SESTD1: variants seen among roughly 807,000 people sequenced by gnomAD.
The protein encoded by SESTD1 is SEC14 domain and spectrin repeat-containing protein 1.
Under a neutral mutation model 101.7 loss-of-function variants are expected in SESTD1, and 43 were observed. The ratio of observed to expected loss-of-function variants is 0.42; its 90% CI spans 0.33 to 0.55. The LOEUF is 0.55. Ranked by LOEUF, SESTD1 falls within the 20% of genes least tolerant of loss-of-function variation. The probability of loss-of-function intolerance (pLI) is 0.07; values close to 1 mark genes in which losing one functional copy is unlikely to be tolerated. For missense variants in SESTD1, 647 were observed against 815.1 expected (o/e 0.79, Z 2.51); for synonymous variants, 283 against 286.8 (o/e 0.99, Z 0.13).
At chr2:179,153,306 A>G (rs1192422696) in intron 5 of SESTD1, among the ~76,000 whole-genome samples, 1 of 152,206 alleles carries the variant, frequency 6.6e-6, no homozygotes, top group Non-Finnish European at 1.5e-5. Flanking sequence ...TTGATGAGGA[A>G]CAAAGCCAGT....
chr2:179,199,558 A>G (rs1468966979), intron 1 of SESTD1, among the ~76,000 whole-genome samples: 1 of 152,196 alleles, frequency 6.6e-6, no homozygotes, highest in Non-Finnish European at 1.5e-5. Flanking sequence ...AATCCTCAAT[A>G]AAATACTGGC....
At chr2:179,140,529 TG>T (rs1269607955) in intron 9 of SESTD1, among the ~76,000 whole-genome samples, 2 of 152,164 alleles carry the variant, frequency 1.3e-5, no homozygotes, top group East Asian at 3.9e-4. Context: ...ATCTCAGAAC[TG>T]CAAGAAAATA....
intron 5 of SESTD1, among the ~76,000 whole-genome samples, chr2:179,170,390 C>T (rs1011842597): frequency 6.6e-5 from 10 of 152,048 alleles, no homozygotes; most frequent in Admixed American, 3.9e-4. Flanking sequence ...ACAAAAAAGA[C>T]CTTATTTTTT....
chr2:179,117,702 T>C (rs1575422086), intron 13 of SESTD1, 89 bp from the exon 14 acceptor site: 7 of 989,566 alleles, frequency 7.1e-6, no homozygotes, highest in East Asian at 2.9e-5. Context: ...TATTTTATAG[T>C]ACACTAAAAT....
At chr2:179,179,715 A>G (rs1341937235) in intron 3 of SESTD1, among the ~76,000 whole-genome samples, 1 of 152,176 alleles carries the variant, frequency 6.6e-6, no homozygotes, top group Non-Finnish European at 1.5e-5. Context: ...GATGACACAC[A>G]TCACATCACT....
chr2:179,171,637 A>C (rs6707001), intron 5 of SESTD1, among the ~76,000 whole-genome samples: 13,988 of 152,150 alleles, frequency 0.092, 2,125 homozygotes, highest in African/African-American at 0.32. Context: ...TTTCTAACCT[A>C]CAGTAAGATG....
At chr2:179,155,972 C>A (rs1192196041) in intron 5 of SESTD1, among the ~76,000 whole-genome samples, 2 of 152,096 alleles carry the variant, frequency 1.3e-5, no homozygotes, top group African/African-American at 4.8e-5. Flanking sequence ...TCCCACATAT[C>A]AGCGAGAACA....
intron 9 of SESTD1, among the ~76,000 whole-genome samples, chr2:179,140,737 T>C (rs79640162): frequency 0.057 from 8,727 of 152,272 alleles, 313 homozygotes; most frequent in South Asian, 0.11. Context: ...CTGTTGCTCT[T>C]GGCCTTGCCA....
At chr2:179,169,161 T>C (rs2045888028) in intron 5 of SESTD1, among the ~76,000 whole-genome samples, 1 of 152,150 alleles carries the variant, frequency 6.6e-6, no homozygotes, top group African/African-American at 2.4e-5. Flanking sequence ...ACAGAGATTG[T>C]TAAACTGGAT....
At chr2:179,239,847 ATC>A (rs1168534807) in intron 1 of SESTD1, among the ~76,000 whole-genome samples, 2 of 152,242 alleles carry the variant, frequency 1.3e-5, no homozygotes, top group East Asian at 3.8e-4. Context: ...ATGCTCCACA[ATC>A]AGTGACTGGT....
intron 8 of SESTD1, among the ~76,000 whole-genome samples, chr2:179,145,419 C>A (rs751850655): frequency 2.0e-4 from 31 of 152,102 alleles, no homozygotes; most frequent in Non-Finnish European, 4.0e-4. Flanking sequence ...ACAATAGTAT[C>A]TATTTCACAG....
intron 1 of SESTD1, among the ~76,000 whole-genome samples, chr2:179,205,428 A>G (rs2046577606): frequency 7.4e-6 from 1 of 134,472 alleles, no homozygotes; most frequent in Non-Finnish European, 1.6e-5. Context: ...TACACCATCA[A>G]ATGCTAAAAC....
chr2:179,172,320 T>C (rs1160094936), intron 4 of SESTD1, 87 bp from the exon 5 acceptor site: 2 of 838,970 alleles, frequency 2.4e-6, no homozygotes, highest in Non-Finnish European at 1.8e-6. Context: ...GTCAAGATTA[T>C]GCTACATAAG....
intron 5 of SESTD1, among the ~76,000 whole-genome samples, chr2:179,156,645 G>A (rs2045637531): frequency 6.6e-6 from 1 of 151,998 alleles, no homozygotes; most frequent in Non-Finnish European, 1.5e-5. Flanking sequence ...GTCTATTCAT[G>A]TCCTTAGCCT....
At chr2:179,155,549 G>A (rs1033910882) in intron 5 of SESTD1, among the ~76,000 whole-genome samples, 2 of 151,622 alleles carry the variant, frequency 1.3e-5, no homozygotes, top group African/African-American at 4.8e-5. Flanking sequence ...CCAGGATTTC[G>A]AGACTGCAGT....
intron 2 of SESTD1, among the ~76,000 whole-genome samples, chr2:179,185,734 A>AATATAATATAGCATATTATATACAAT (rs2046214084): frequency 1.8e-5 from 1 of 55,158 alleles, no homozygotes; most frequent in Non-Finnish European, 3.1e-5. Context: ...TATTATATAT[A>AATATAATATAGCATATTATATACAAT]ATATAATATA....
intron 1 of SESTD1, among the ~76,000 whole-genome samples, chr2:179,250,077 A>G (rs556089219): frequency 6.6e-6 from 1 of 152,326 alleles, no homozygotes; most frequent in African/African-American, 2.4e-5. Context: ...TAAAACAATG[A>G]AAAGACAAGC....
rs576015938 is a variant in SESTD1, at chr2:179,212,264, T to C, written c.-25-20398A>G. ...CTAGCCAAGGGAAGCCATGACAGAC[T>C]GTACCTGGAAAAACAAGACACTCCC... On this transcript the variant is annotated intron_variant, in intron 1 of 17. Coordinates refer to ENST00000428443, the MANE Select transcript of SESTD1 (RefSeq NM_178123.5). 5.9e-5 allele frequency among the ~76,000 whole-genome samples: 8 copies of C among 135,216 alleles called. No homozygotes were observed. The East Asian group carries it at 1.4e-3, about 24-fold the overall frequency. 88.7% of individuals were successfully genotyped at this position (135,216 alleles called of 152,430 possible).
chr2:179,145,639 T>G (rs1307793717), intron 8 of SESTD1, among the ~76,000 whole-genome samples: 4 of 152,240 alleles, frequency 2.6e-5, no homozygotes, highest in African/African-American at 9.6e-5. Context: ...ACTATGTGCT[T>G]GCACTATGTG....
Sources: allele counts gnomAD v4.1 joint callset (sites outside exome capture counted in the v4.1 genomes callset), GRCh38; gene constraint gnomAD v4.1.1; transcripts MANE v1.5; gene names NCBI Gene and HGNC (gene_info 2026-07-23, HGNC 2026-07-21).